JOSD2: variants seen among roughly 807,000 people sequenced by gnomAD.
JOSD2 encodes the protein Josephin domain containing 2, also known as josephin-2.
Under a neutral mutation model 19.3 loss-of-function variants are expected in JOSD2, and 20 were observed. The ratio of observed to expected loss-of-function variants is 1.04; its 90% CI spans 0.73 to 1.51. JOSD2 has a LOEUF of 1.51. JOSD2 is among the 40% of genes most tolerant of loss of function. The pLI is 0.00. For missense variants in JOSD2, 215 were observed against 250.4 expected (o/e 0.86, Z 0.95); for synonymous variants, 118 against 123.7 (o/e 0.95, Z 0.31).
chr19:50,507,826 CCA>C, intron 2 of JOSD2, 127 bp from the exon 3 acceptor site: 1 of 1,206,332 alleles, frequency 8.3e-7, no homozygotes, highest in Non-Finnish European at 1.1e-6. Flanking sequence ...CACAACTCAT[CCA>C]CCCCCAAGTC....
chr19:50,510,612 C>T (rs1979741242), intron 1 of JOSD2, among the ~76,000 whole-genome samples, 164 bp from the exon 2 acceptor site: 1 of 152,126 alleles, frequency 6.6e-6, no homozygotes, highest in African/African-American at 2.4e-5. Context: ...TGGCAGCACA[C>T]GTCCCTCCAT....
At chr19:50,510,625 C>T (rs1979744208) in intron 1 of JOSD2, among the ~76,000 whole-genome samples, 177 bp from the exon 2 acceptor site, 1 of 152,136 alleles carries the variant, frequency 6.6e-6, no homozygotes, top group Non-Finnish European at 1.5e-5. Flanking sequence ...CCCTCCATCC[C>T]TTATTCCTAT....
At chr19:50,510,856 T>C (rs1979781292) in intron 1 of JOSD2, among the ~76,000 whole-genome samples, 1 of 150,658 alleles carries the variant, frequency 6.6e-6, no homozygotes, top group Non-Finnish European at 1.5e-5. Context: ...CAATAGAGAA[T>C]CCTCCTCCCC....
rs774436350 is a variant in JOSD2 at position 50,507,650 on chromosome 19, C to T, written c.196G>A (p.Gly66Ser). 28 of 1,611,982 alleles carry T rather than the reference C, an allele frequency of 1.7e-5. No individual in the cohort carries two copies. The highest frequency in any genetic ancestry group is 1.5e-4 in the South Asian group (14 of 91,070). The change falls in exon 3 of 5, where the codon GGC (glycine) becomes AGC (serine). Residue 66 changes from glycine (G) to serine (S), a missense_variant. Coordinates refer to ENST00000598418, the MANE Select transcript of JOSD2 (RefSeq NM_001270639.2). ...ATGATCACATTGACATCATAGTTGC[C>T]GGTGCCCAGGAGGCTGCGATGAGGG... ...LNPHRSLLGT[G>S]NYDVNVIMAA... is the part of the protein sequence containing the mutation.
At chr19:50,509,050 G>T (rs1979564571) in intron 2 of JOSD2, among the ~76,000 whole-genome samples, 1 of 151,828 alleles carries the variant, frequency 6.6e-6, no homozygotes. Flanking sequence ...GGCCTGAGCT[G>T]GGGCCAGGGA....
At chr19:50,509,117 T>TTC (rs1979570997) in intron 2 of JOSD2, among the ~76,000 whole-genome samples, 2 of 149,740 alleles carry the variant, frequency 1.3e-5, no homozygotes, top group Admixed American at 1.3e-4. Context: ...TTTTTTTTTT[T>TTC]TTTTTTGAGA....
At chr19:50,506,704 G>T in intron 3 of JOSD2, 132 bp from the exon 4 acceptor site, 1 of 783,880 alleles carries the variant, frequency 1.3e-6, no homozygotes, top group Non-Finnish European at 2.0e-6. Flanking sequence ...TCCTTAATCA[G>T]CCACCCTGGT....
rs113100506 is a variant in JOSD2 at position 50,506,031 on chromosome 19, C to T, written c.*142G>A. The T allele has an allele frequency of 3.3e-3, 2,308 of 704,168 alleles. 38 individuals are homozygous for T. The African/African-American group carries it at 0.037, about 11-fold the overall frequency. The allele number at this position is 704,168 out of a possible 1,614,324, so 43.6% of individuals were successfully genotyped here. A position where few individuals can be genotyped will look rare whatever the true frequency, so the allele number is the denominator to read the frequency against. On this transcript the variant is annotated 3_prime_UTR_variant, in exon 5 of 5. Coordinates refer to ENST00000598418, the MANE Select transcript of JOSD2 (RefSeq NM_001270639.2). ...ATCAGCAGATTTATTGAGGCAGCAG[C>T]GGCAGTGGGGAGCAGGGGTGTGGGG...
chr19:50,510,021 C>T, intron 2 of JOSD2: 1 of 336,536 alleles, frequency 3.0e-6, no homozygotes, highest in Non-Finnish European at 5.2e-6. Context: ...AACTGCACTC[C>T]AGCCTGGGCA....
intron 2 of JOSD2, 35 bp downstream of exon 2, chr19:50,510,251 C>T (rs775288583): frequency 5.6e-6 from 9 of 1,612,810 alleles, no homozygotes; most frequent in Non-Finnish European, 7.6e-6. Context: ...CGCCAGAGCT[C>T]TGCTGCTCCA....
At chr19:50,510,866 C>T (rs753898763) in intron 1 of JOSD2, among the ~76,000 whole-genome samples, 17 of 151,944 alleles carry the variant, frequency 1.1e-4, no homozygotes, top group Middle Eastern at 3.2e-3. Context: ...TCCTCCTCCC[C>T]TGTCTCTAGG....
At position 50,506,574 on chromosome 19, in the gene JOSD2, T is replaced by G. The variant is rs2122703655; in HGVS notation, c.273-2A>C. 6.6e-7 allele frequency: 1 copy of G among 1,522,622 alleles called. No homozygotes were observed. The highest frequency in any genetic ancestry group is 2.1e-5 in the Admixed American group (1 of 48,020). The allele number at this position is 1,522,622 out of a possible 1,614,324, so 94.3% of individuals were successfully genotyped here. On this transcript the variant is annotated splice_acceptor_variant, in intron 3 of 4. Coordinates refer to ENST00000598418, the MANE Select transcript of JOSD2 (RefSeq NM_001270639.2). LOFTEE classifies it high-confidence loss of function. ...GGCAGGGCCAGCTGGGACAGGGGCCTGTGTGGGCAGGGAGGGGACACTGCC... is the reference window on the plus strand; with the variant it reads ...GGCAGGGCCAGCTGGGACAGGGGCCGGTGTGGGCAGGGAGGGGACACTGCC...
In JOSD2 at chr19:50,506,394, C is replaced by T. The variant is rs1184201524; in HGVS notation, c.451G>A (p.Asp151Asn). 6.2e-6 allele frequency: 10 copies of T among 1,606,054 alleles called. No homozygotes were observed. Among genetic ancestry groups the T allele is most frequent in the Non-Finnish European group, 8.5e-6 (10 of 1,176,830 alleles). The change falls in exon 4 of 5, where the codon GAT becomes AAT. Residue 151 changes from aspartate (D) to asparagine (N), a missense_variant. Physicochemically the swap from Asp to Asn is conservative, Grantham distance 23 (BLOSUM62 1). Transcript: ENST00000598418. ...GGGGCTCACCTGACTCCGTCCTCAT[C>T]CCCCAGGGCCTCGGGCGCCCGCAGC... is the stretch of plus-strand genomic sequence containing the variant. ...SKLRAPEALGDEDGVRAFLAA... is the reference protein window; with the variant it reads ...SKLRAPEALGNEDGVRAFLAA...
intron 1 of JOSD2, 63 bp downstream of exon 1, chr19:50,511,054 G>A: frequency 2.2e-6 from 1 of 449,644 alleles, no homozygotes; most frequent in Non-Finnish European, 4.5e-6. Context: ...CCAAGGAATG[G>A]AGCCCTTCGC....
Position 50,506,057 on chromosome 19 carries a change from AG to A in JOSD2, c.*115del, listed in dbSNP as rs879798540. Reference sequence around the variant, plus strand: ...GGCAGTGGGGAGCAGGGGTGTGGGGAGGGGGCGGGGCCTCCCCAGGGTCCAT... The same window carrying A: ...GGCAGTGGGGAGCAGGGGTGTGGGGAGGGGCGGGGCCTCCCCAGGGTCCAT... On this transcript the variant is annotated 3_prime_UTR_variant, in exon 5 of 5. Transcript: ENST00000598418. 4 of 876,470 alleles carry A rather than the reference AG, an allele frequency of 4.6e-6. No homozygotes were observed. The South Asian group carries it at 5.2e-5, about 11-fold the overall frequency. The allele number at this position is 876,470 out of a possible 1,614,324, so 54.3% of individuals were successfully genotyped here.
Position 50,507,831 on chromosome 19 carries a change from C to T in JOSD2, c.147-132G>A, listed in dbSNP as rs148231278. The T allele has an allele frequency of 1.3e-3, 1,523 of 1,152,492 alleles. 22 individuals carry two copies. In the East Asian group the frequency reaches 0.03, roughly 23 times the overall value. 71.4% of individuals were successfully genotyped at this position (1,152,492 alleles called of 1,614,324 possible). Reference sequence around the variant, plus strand: ...CTTCAGACCCCACAACTCATCCACCCCCAAGTCCTGCCTCTCCTGCCCCAA... The same window carrying T: ...CTTCAGACCCCACAACTCATCCACCTCCAAGTCCTGCCTCTCCTGCCCCAA... On this transcript the variant is annotated intron_variant, in intron 2 of 4. Coordinates refer to ENST00000598418, the MANE Select transcript of JOSD2 (RefSeq NM_001270639.2).
In JOSD2 at chr19:50,510,370, A is replaced by C; in HGVS notation, c.62T>G (p.Leu21Arg). 1 of 1,613,458 alleles carries C rather than the reference A, an allele frequency of 6.2e-7. No homozygotes were observed. The highest frequency in any genetic ancestry group is 8.5e-7 in the Non-Finnish European group (1 of 1,179,956). The change falls in exon 2 of 5, where the codon CTG becomes CGG. Residue 21 changes from leucine (L) to arginine (R), a missense_variant. Physicochemically the swap from Leu to Arg is moderately radical, Grantham distance 102. Coordinates refer to ENST00000598418, the MANE Select transcript of JOSD2 (RefSeq NM_001270639.2). ...GAGGGCGTGGACAGCACACAGCTCC[A>C]GGCGCTGCCGTTCGTGGTACACGGT... is the stretch of plus-strand genomic sequence containing the variant. Reference protein sequence around the residue: ...PPTVYHERQRLELCAVHALNN... With the variant: ...PPTVYHERQRRELCAVHALNN...
At chr19:50,507,262 A>G (rs372336667) in intron 3 of JOSD2, among the ~76,000 whole-genome samples, 5 of 148,694 alleles carry the variant, frequency 3.4e-5, no homozygotes, top group East Asian at 4.0e-4. Flanking sequence ...CCGGCCATCA[A>G]AACTTCCCAT....
At position 50,511,189 on chromosome 19, in the gene JOSD2, A is replaced by G. The variant is rs1378680088; in HGVS notation, c.-90T>C. On this transcript the variant is annotated 5_prime_UTR_variant, in exon 1 of 5. Coordinates refer to ENST00000598418, the MANE Select transcript of JOSD2 (RefSeq NM_001270639.2). ...TCCTGGGCGGCGGCTCTGGGCTCCGAGTGCGGGGCGGGCAACACCGCGCTG... is the reference window on the plus strand; with the variant it reads ...TCCTGGGCGGCGGCTCTGGGCTCCGGGTGCGGGGCGGGCAACACCGCGCTG... 3 of 437,002 alleles carry G rather than the reference A, an allele frequency of 6.9e-6. No homozygotes were observed. The highest frequency in any genetic ancestry group is 1.4e-5 in the Non-Finnish European group (3 of 216,528). The allele number at this position is 437,002 out of a possible 1,614,324, so 27.1% of individuals were successfully genotyped here.
Sources: gnomAD v4.1 joint callset for allele counts (sites outside exome capture counted in the v4.1 genomes callset) on GRCh38, gnomAD v4.1.1 for gene constraint, MANE v1.5 for transcripts, NCBI Gene and HGNC (gene_info 2026-07-23, HGNC 2026-07-21) for gene names.